DIAPH2: variants seen among roughly 807,000 people sequenced by gnomAD.
DIAPH2 encodes the protein protein diaphanous homolog 2.
Under a neutral mutation model 92.7 loss-of-function variants are expected in DIAPH2, and 35 were observed. That is an observed-to-expected ratio of 0.38 (90% CI 0.29 to 0.50). The LOEUF (loss-of-function observed/expected upper bound fraction) is 0.50. Among genes scored for constraint, DIAPH2 ranks in the 20% least tolerant of loss-of-function variants. The pLI is 0.94. For missense variants in DIAPH2, 701 were observed against 819.5 expected (o/e 0.86, Z 1.77); for synonymous variants, 301 against 280.4 (o/e 1.07, Z -0.73).
At chrX:96,968,618 G>A (rs772776793) in intron 17 of DIAPH2, among the ~76,000 whole-genome samples, 1 of 111,912 alleles carries the variant, frequency 8.9e-6, no homozygotes, top group African/African-American at 3.2e-5. Flanking sequence ...GTTCCTTATA[G>A]ATTCTGGGTA....
At chrX:97,371,388 A>T (rs1300208677) in intron 24 of DIAPH2, among the ~76,000 whole-genome samples, 2 of 111,260 alleles carry the variant, frequency 1.8e-5, no homozygotes, top group Non-Finnish European at 3.8e-5. Flanking sequence ...GTTCCTGGGG[A>T]CAAGCTACAC....
chrX:97,241,061 T>C (rs781316248), intron 22 of DIAPH2, among the ~76,000 whole-genome samples: 1 of 111,728 alleles, frequency 9.0e-6, no homozygotes, highest in Non-Finnish European at 1.9e-5. Flanking sequence ...TGCCAATGAA[T>C]GATAAAGAGT....
chrX:97,327,608 T>G (rs1475388096), intron 23 of DIAPH2, among the ~76,000 whole-genome samples: 3 of 111,140 alleles, frequency 2.7e-5, no homozygotes, highest in Non-Finnish European at 5.7e-5. Context: ...ACTGGCTAAT[T>G]TTTGTATTTT....
At chrX:96,724,337 T>C (rs935499638) in intron 1 of DIAPH2, among the ~76,000 whole-genome samples, 14 of 111,808 alleles carry the variant, frequency 1.3e-4, no homozygotes, top group Non-Finnish European at 2.3e-4. Context: ...CAGTCCCTAA[T>C]TGGCCAAACT....
chrX:97,466,873 G>C (rs897868750), intron 26 of DIAPH2, among the ~76,000 whole-genome samples: 2 of 112,092 alleles, frequency 1.8e-5, no homozygotes, highest in East Asian at 2.8e-4. Context: ...GAGAGTGAGA[G>C]AGAATATATG....
chrX:97,185,609 C>G (rs2067597596), intron 22 of DIAPH2, among the ~76,000 whole-genome samples: 1 of 93,808 alleles, frequency 1.1e-5, no homozygotes, highest in Non-Finnish European at 2.1e-5. Context: ...TGAGATTTAT[C>G]TCTTCCTCAT....
intron 13 of DIAPH2, among the ~76,000 whole-genome samples, chrX:96,942,407 C>A (rs1358796088): frequency 9.0e-6 from 1 of 110,768 alleles, no homozygotes; most frequent in Non-Finnish European, 1.9e-5. Context: ...CCACAAAAAC[C>A]CATTACATTA....
At chrX:96,795,598 A>G (rs1266986639) in intron 4 of DIAPH2, among the ~76,000 whole-genome samples, 2 of 111,996 alleles carry the variant, frequency 1.8e-5, no homozygotes, top group Non-Finnish European at 3.8e-5. Flanking sequence ...TTCTATCAGT[A>G]CATTTGCTTC....
intron 26 of DIAPH2, among the ~76,000 whole-genome samples, chrX:97,585,425 A>G (rs2071473318): frequency 9.1e-6 from 1 of 110,323 alleles, no homozygotes; most frequent in Non-Finnish European, 1.9e-5. Context: ...TTATCTTTCA[A>G]CTGGCTTACT....
intron 22 of DIAPH2, among the ~76,000 whole-genome samples, chrX:97,242,021 G>A (rs1405960243): frequency 5.4e-5 from 6 of 110,794 alleles, no homozygotes; most frequent in Non-Finnish European, 1.1e-4. Flanking sequence ...TGATCCGCCC[G>A]CCTCGGCCTC....
At chrX:96,884,232 C>G (rs2065241284) in intron 5 of DIAPH2, 1 of 876,923 alleles carries the variant, frequency 1.1e-6, no homozygotes, top group Non-Finnish European at 1.6e-6. Flanking sequence ...TCGAAGCCTT[C>G]TGTGGAGAAC....
chrX:97,578,139 G>A (rs1486361339), intron 26 of DIAPH2, among the ~76,000 whole-genome samples: 2 of 102,790 alleles, frequency 1.9e-5, no homozygotes, highest in Non-Finnish European at 4.0e-5. Flanking sequence ...CAGTTTATTG[G>A]CACTGCATAT....
At chrX:97,369,995 A>G (rs936274473) in intron 24 of DIAPH2, among the ~76,000 whole-genome samples, 1 of 111,614 alleles carries the variant, frequency 9.0e-6, no homozygotes, top group East Asian at 2.8e-4. Flanking sequence ...GACATAGAGC[A>G]AAAGTAGACT....
At chrX:97,143,720 C>G (rs1470417341) in intron 22 of DIAPH2, among the ~76,000 whole-genome samples, 1 of 110,878 alleles carries the variant, frequency 9.0e-6, no homozygotes, top group Non-Finnish European at 1.9e-5. Flanking sequence ...CAACACTGTT[C>G]ACAATAGGTA....
Position 97,120,051 on chromosome X carries a change from C to A in DIAPH2, c.2589+5086C>A, listed in dbSNP as rs146542573. On this transcript the variant is annotated intron_variant, in intron 21 of 26. Coordinates refer to ENST00000324765, the MANE Select transcript of DIAPH2 (RefSeq NM_006729.5). ...GCGGATTCACGCCCTCCACTGAGTT[C>A]TGGCCAGGAGGCTTCTTGACCACTT... Among the ~76,000 whole-genome samples the A allele has an allele frequency of 7.1e-4, 80 of 111,997 alleles. 1 individual carries two copies. Among genetic ancestry groups the A allele is most frequent in the African/African-American group, 2.6e-3 (79 of 30,829 alleles).
At chrX:97,457,604 C>T (rs771907810) in intron 26 of DIAPH2, among the ~76,000 whole-genome samples, 1 of 111,756 alleles carries the variant, frequency 8.9e-6, no homozygotes, top group East Asian at 2.8e-4. Flanking sequence ...CTATGGTTGT[C>T]TCTGGGTCTG....
rs1322412671 is a variant in DIAPH2, at chrX:97,600,615, C to CTAT, written c.*1303_*1305dup. ...TAAAAGTTATACTTAACTTGTCTGT[C>CTAT]TATTATTTTAAAATATGCATTGAAA... is the stretch of plus-strand genomic sequence containing the variant. On this transcript the variant is annotated 3_prime_UTR_variant, in exon 27 of 27. Transcript: ENST00000324765. The CTAT allele has an allele frequency of 8.9e-6, 1 of 112,239 alleles. No individual in the cohort carries two copies. Among genetic ancestry groups the CTAT allele is most frequent in the Non-Finnish European group, 1.9e-5 (1 of 53,140 alleles). 9.2% of individuals were successfully genotyped at this position (112,239 alleles called of 1,213,427 possible). A position where few individuals can be genotyped will look rare whatever the true frequency, so the allele number is the denominator to read the frequency against.
chrX:97,166,341 T>A (rs1038085693), intron 22 of DIAPH2, among the ~76,000 whole-genome samples: 3 of 111,953 alleles, frequency 2.7e-5, no homozygotes, highest in Non-Finnish European at 5.6e-5. Context: ...CTGTGAGATA[T>A]ATACAATAAT....
chrX:96,830,923 T>A (rs759737753), intron 4 of DIAPH2, among the ~76,000 whole-genome samples: 1 of 111,613 alleles, frequency 9.0e-6, no homozygotes, highest in Non-Finnish European at 1.9e-5. Flanking sequence ...GTTCCAGTTC[T>A]TGGCACGTAT....
Sources: allele counts gnomAD v4.1 joint callset (sites outside exome capture counted in the v4.1 genomes callset), GRCh38; gene constraint gnomAD v4.1.1; transcripts MANE v1.5; gene names NCBI Gene and HGNC (gene_info 2026-07-23, HGNC 2026-07-21).